PORCN: variants seen among roughly 807,000 people sequenced by gnomAD.
PORCN encodes porcupine O-acyltransferase.
In PORCN, 1 loss-of-function variant was observed where a neutral mutation model predicts 43.0. That is an observed-to-expected ratio of 0.02 (90% CI 0.01 to 0.11). PORCN has a LOEUF of 0.11. PORCN is among the 10% of genes least tolerant of loss of function. PORCN has a pLI of 1.00. For missense variants in PORCN, 240 were observed against 392.1 expected, an observed-to-expected ratio of 0.61 and a Z score of 3.28; for synonymous variants, 148 against 166.4, an observed-to-expected ratio of 0.89 and a Z score of 0.85.
At chrX:48,511,509 C>T (rs2061675595) in intron 3 of PORCN, 22 bp downstream of exon 3, 1 of 1,185,937 alleles carries the variant, frequency 8.4e-7, no homozygotes. Flanking sequence ...CATCCTTATC[C>T]TCACACTGTT....
rs782434374 is a variant in PORCN at position 48,516,081 on chromosome X, C to T, written c.1108C>T (p.Arg370Trp). ...VEHVLRKRLA[R>W]ILSACVLSKR... is the part of the protein sequence containing the mutation. The stretch of plus-strand genomic sequence containing the variant: ...CCTAGTCCTCCGGAAGCGCCTGGCT[C>T]GGATCCTCAGTGCCTGTGTCTTGTC... The change falls in exon 13 of 15, where the codon CGG becomes TGG. Residue 370 changes from arginine to tryptophan, a missense_variant. By Grantham distance (101) the Arg-to-Trp change is moderately radical (BLOSUM62 -3). Coordinates refer to ENST00000326194, the MANE Select transcript of PORCN (RefSeq NM_203475.3). 1.2e-5 allele frequency: 15 copies of T among 1,211,814 alleles called. No homozygotes were observed. The highest frequency in any genetic ancestry group is 3.0e-5 in the East Asian group (1 of 33,843).
chrX:48,510,050 T>G (rs1037541598), intron 2 of PORCN, 94 bp downstream of exon 2: 54 of 722,546 alleles, frequency 7.5e-5, no homozygotes, highest in Non-Finnish European at 1.1e-4. Context: ...TGTCACATCC[T>G]GCCAGGCCCT....
rs145839490 is a variant in PORCN at position 48,512,404 on chromosome X, C to T, written c.452C>T (p.Ser151Leu). Residue 151 changes from serine to leucine, a missense_variant, in exon 5 of 15, where the codon TCG becomes TTG. By Grantham distance (145) the Ser-to-Leu change is moderately radical (BLOSUM62 -2). Transcript: ENST00000326194. ...CGGGGCGAGGTGGGTACGGTGCCCT[C>T]GCCAGTGGAGTTCATGGGCTACCTC... ...LDRGEVGTVP[S>L]PVEFMGYLYF... 5.0e-6 allele frequency: 6 copies of T among 1,211,588 alleles called. No individual in the cohort carries two copies. Among genetic ancestry groups the T allele is most frequent in the Non-Finnish European group, 6.7e-6 (6 of 895,357 alleles).
chrX:48,511,502 C>G lies in PORCN; in HGVS notation c.329+15C>G. 1 of 1,191,878 alleles carries G rather than the reference C, an allele frequency of 8.4e-7. No individual in the cohort carries two copies. ...CTACTCATGGGGTATGAGTATGCAT[C>G]CTTATCCTCACACTGTTGGCTGAAG... On this transcript the variant is annotated intron_variant, in intron 3 of 14. Coordinates refer to ENST00000326194, the MANE Select transcript of PORCN (RefSeq NM_203475.3).
In PORCN at chrX:48,514,227, C is replaced by G. The variant is rs1190846898; in HGVS notation, c.720-13C>G. 1 of 1,212,060 alleles carries G rather than the reference C, an allele frequency of 8.3e-7. No individual in the cohort carries two copies. The highest frequency in any genetic ancestry group is 1.1e-6 in the Non-Finnish European group (1 of 895,559). On this transcript the variant is annotated splice_polypyrimidine_tract_variant and intron_variant, in intron 8 of 14. Transcript: ENST00000326194. The stretch of plus-strand genomic sequence containing the variant: ...GAACGTGATGCCTCTCACCCCTGCC[C>G]CTTTCTCCCCAGGTGGCTGCGAGCC...
intron 1 of PORCN, chrX:48,509,420 T>C: frequency 2.8e-6 from 2 of 722,814 alleles, no homozygotes; most frequent in Non-Finnish European, 3.6e-6. Context: ...TGCCCTCCAC[T>C]CAGAGCGACT....
chrX:48,513,756 A>C (rs188694312), intron 7 of PORCN, among the ~76,000 whole-genome samples: 1 of 112,118 alleles, frequency 8.9e-6, no homozygotes, highest in Non-Finnish European at 1.9e-5. Context: ...TGCCCAGCTC[A>C]GGGATTTTTG....
chrX:48,516,803 T>C (rs912904764), intron 13 of PORCN, among the ~76,000 whole-genome samples: 20 of 110,765 alleles, frequency 1.8e-4, no homozygotes, highest in African/African-American at 6.2e-4. Context: ...CTCTAGATCA[T>C]GGTGGGGATT....
intron 6 of PORCN, 21 bp from the exon 7 acceptor site, chrX:48,512,814 T>C (rs2061685931): frequency 8.3e-7 from 1 of 1,211,203 alleles, no homozygotes; most frequent in African/African-American, 1.7e-5. Flanking sequence ...TAATGCTTCT[T>C]TCTGTCTTCT....
chrX:48,517,334 C>T lies in PORCN; in HGVS notation c.1284+41C>T, dbSNP rs782820875. 2.2e-4 allele frequency: 204 copies of T among 945,084 alleles called. 2 individuals are homozygous for T. The highest frequency in any genetic ancestry group is 2.1e-3 in the Admixed American group (78 of 38,009). 77.9% of individuals were successfully genotyped at this position (945,084 alleles called of 1,213,427 possible). A position where few individuals can be genotyped will look rare whatever the true frequency, so the allele number is the denominator to read the frequency against. On this transcript the variant is annotated intron_variant, in intron 14 of 14. Transcript: ENST00000326194. ...GGGCTGTGTGGTTAACCAAGGGTGG[C>T]GCTATCTGGCGGGGGGAAACCATGA... is the stretch of plus-strand genomic sequence containing the variant.
intron 1 of PORCN, chrX:48,509,335 C>G: frequency 3.6e-6 from 1 of 274,221 alleles, no homozygotes; most frequent in Admixed American, 5.2e-5. Flanking sequence ...TACAGGACAC[C>G]CCCCCTCCCC....
chrX:48,515,360 G>A, intron 10 of PORCN: 1 of 300,361 alleles, frequency 3.3e-6, no homozygotes, highest in Non-Finnish European at 6.1e-6. Flanking sequence ...TGATGGTGGT[G>A]GTGGCAGTGG....
chrX:48,515,625 C>T, intron 10 of PORCN, 92 bp from the exon 11 acceptor site: 1 of 731,117 alleles, frequency 1.4e-6, no homozygotes. Context: ...GGGGCTCCAA[C>T]AGGTTGTGGG....
In PORCN at chrX:48,515,618, G is replaced by C. The variant is rs782497172; in HGVS notation, c.947-99G>C. On this transcript the variant is annotated intron_variant, in intron 10 of 14. Transcript: ENST00000326194. ...GCCATCTAAGGACTTTATCCTGGGG[G>C]CTCCAACAGGTTGTGGGTATTCTCA... 3.1e-4 allele frequency: 205 copies of C among 671,076 alleles called. 1 individual carries two copies. Among genetic ancestry groups the C allele is most frequent in the South Asian group, 4.4e-4 (20 of 45,429 alleles). The allele number at this position is 671,076 out of a possible 1,213,427, so 55.3% of individuals were successfully genotyped here.
At chrX:48,516,254 C>G (rs2061716577) in intron 13 of PORCN, 108 bp downstream of exon 13, 1 of 703,420 alleles carries the variant, frequency 1.4e-6, no homozygotes, top group African/African-American at 2.1e-5. Context: ...TCTTTTGGTG[C>G]CTGAGCCATC....
At chrX:48,519,951 C>T (rs782039160) in intron 14 of PORCN, among the ~76,000 whole-genome samples, 1 of 111,987 alleles carries the variant, frequency 8.9e-6, no homozygotes, top group African/African-American at 3.2e-5. Flanking sequence ...GAGCTCAGAT[C>T]GTGCCACTGC....
chrX:48,509,347 T>G, intron 1 of PORCN: 1 of 269,217 alleles, frequency 3.7e-6, no homozygotes, highest in Admixed American at 5.3e-5. Flanking sequence ...CCCCTCCCCG[T>G]GCCGCCGCAT....
intron 10 of PORCN, 72 bp from the exon 11 acceptor site, chrX:48,515,645 C>A: frequency 1.1e-6 from 1 of 897,024 alleles, no homozygotes; most frequent in Non-Finnish European, 1.6e-6. Flanking sequence ...GTATTCTCAT[C>A]CTGCTGATGG....
chrX:48,509,073 G>A lies in PORCN; in HGVS notation c.-68G>A, dbSNP rs2147112743. The A allele has an allele frequency of 8.6e-6, 1 of 116,188 alleles. No homozygotes were observed. Among genetic ancestry groups the A allele is most frequent in the East Asian group, 2.7e-4 (1 of 3,696 alleles). 9.6% of individuals were successfully genotyped at this position (116,188 alleles called of 1,213,427 possible). On this transcript the variant is annotated 5_prime_UTR_variant, in exon 1 of 15. Coordinates refer to ENST00000326194, the MANE Select transcript of PORCN (RefSeq NM_203475.3). ...CAGCGGCGGCGGCAGCGCGTCCTCG[G>A]TCCCCAGGACCACGGCTTCTTTCCT...
Sources: gnomAD v4.1 joint callset for allele counts (sites outside exome capture counted in the v4.1 genomes callset) on GRCh38, gnomAD v4.1.1 for gene constraint, MANE v1.5 for transcripts, NCBI Gene and HGNC (gene_info 2026-07-23, HGNC 2026-07-21) for gene names.